SYT1: variants seen among roughly 807,000 people sequenced by gnomAD.
SYT1 encodes the protein synaptotagmin 1.
SYT1 carries 8 observed loss-of-function variants against 44.8 expected under a neutral mutation model. The ratio of observed to expected loss-of-function variants is 0.18; its 90% CI spans 0.10 to 0.32. The LOEUF (loss-of-function observed/expected upper bound fraction) is 0.32. SYT1 is among the 10% of genes least tolerant of loss of function. The pLI, the probability that SYT1 is intolerant of heterozygous loss-of-function variation, is 1.00. For missense variants in SYT1, 286 were observed against 509.3 expected, an observed-to-expected ratio of 0.56 and a Z score of 4.22; for synonymous variants, 154 against 188.8, an observed-to-expected ratio of 0.82 and a Z score of 1.51.
At chr12:79,262,460 A>ATAT (rs10666284) in intron 4 of SYT1, among the ~76,000 whole-genome samples, 110,027 of 151,770 alleles carry the variant, frequency 0.72, 40,607 homozygotes, top group African/African-American at 0.84. Context: ...TTTACAAGAA[A>ATAT]TATACAATTC....
At position 79,033,557 on chromosome 12, in the gene SYT1, T is replaced by C. The variant is rs190400898; in HGVS notation, c.-83-13740T>C. ...CTTAACTTATGGTGAGCTTCTTTCTTGCATCGTCTCCTACCTTTGGTCTTT... is the reference window on the plus strand; with the variant it reads ...CTTAACTTATGGTGAGCTTCTTTCTCGCATCGTCTCCTACCTTTGGTCTTT... On this transcript the variant is annotated intron_variant, in intron 2 of 10. Coordinates refer to ENST00000261205, the MANE Select transcript of SYT1 (RefSeq NM_005639.3). Among the ~76,000 whole-genome samples the C allele has an allele frequency of 7.7e-3, 1,162 of 151,492 alleles. 57 individuals carry two copies. The highest frequency in any genetic ancestry group is 0.07 in the Admixed American group (1,056 of 15,150).
chr12:79,427,160 C>A (rs927210234), intron 9 of SYT1, among the ~76,000 whole-genome samples: 1 of 152,148 alleles, frequency 6.6e-6, no homozygotes, highest in Admixed American at 6.5e-5. Flanking sequence ...TACAGTTATT[C>A]CAGCTAATAA....
At chr12:79,102,809 T>A (rs1878516396) in intron 3 of SYT1, among the ~76,000 whole-genome samples, 2 of 152,198 alleles carry the variant, frequency 1.3e-5, no homozygotes, top group Admixed American at 1.3e-4. Context: ...AATCAACAAA[T>A]TTTAAGTAGG....
intron 9 of SYT1, among the ~76,000 whole-genome samples, chr12:79,387,627 T>C (rs934979418): frequency 2.6e-5 from 4 of 152,234 alleles, no homozygotes; most frequent in African/African-American, 7.2e-5. Context: ...AAATGTCAAC[T>C]GTGCAGGCAA....
intron 3 of SYT1, among the ~76,000 whole-genome samples, chr12:79,159,270 C>T (rs1396246260): frequency 6.6e-6 from 1 of 152,126 alleles, no homozygotes; most frequent in Non-Finnish European, 1.5e-5. Context: ...ATGATGCATA[C>T]ATATCATATT....
intron 2 of SYT1, among the ~76,000 whole-genome samples, chr12:79,025,327 C>A (rs889939721): frequency 6.6e-6 from 1 of 151,724 alleles, no homozygotes; most frequent in African/African-American, 2.4e-5. Flanking sequence ...CTTTAAAACT[C>A]TTAAACTCAA....
chr12:78,974,031 T>C (rs1276617289), intron 1 of SYT1, among the ~76,000 whole-genome samples: 1 of 136,792 alleles, frequency 7.3e-6, no homozygotes, highest in African/African-American at 2.7e-5. Flanking sequence ...GAGAAATGCA[T>C]CATTAGGCAT....
intron 4 of SYT1, among the ~76,000 whole-genome samples, chr12:79,279,604 G>C (rs1189884675): frequency 6.6e-6 from 1 of 151,868 alleles, no homozygotes; most frequent in Admixed American, 6.6e-5. Context: ...CAAGACAAGG[G>C]CTCCCAGTTT....
chr12:79,002,896 T>C (rs1870834964), intron 2 of SYT1, among the ~76,000 whole-genome samples: 1 of 152,052 alleles, frequency 6.6e-6, no homozygotes, highest in Non-Finnish European at 1.5e-5. Flanking sequence ...CCTTTTAAAA[T>C]GAGTACAAGG....
chr12:78,917,268 G>A (rs1035051682), intron 1 of SYT1, among the ~76,000 whole-genome samples: 2 of 151,910 alleles, frequency 1.3e-5, no homozygotes, highest in African/African-American at 2.4e-5. Flanking sequence ...CTCCTACATC[G>A]TCTCTGCTCT....
intron 3 of SYT1, among the ~76,000 whole-genome samples, chr12:79,076,609 A>G (rs190829850): frequency 6.6e-6 from 1 of 152,276 alleles, no homozygotes; most frequent in East Asian, 1.9e-4. Context: ...TAGATATTAT[A>G]AATATAAAAC....
chr12:79,201,353 G>A (rs1873774507), intron 3 of SYT1, among the ~76,000 whole-genome samples: 1 of 152,126 alleles, frequency 6.6e-6, no homozygotes, highest in South Asian at 2.1e-4. Flanking sequence ...AATATCTTTA[G>A]ATCCTATTCT....
chr12:78,968,360 G>C (rs1262619670), intron 1 of SYT1, among the ~76,000 whole-genome samples: 2 of 152,014 alleles, frequency 1.3e-5, no homozygotes, highest in East Asian at 3.9e-4. Flanking sequence ...TTCTCATAAA[G>C]ATTCATACAC....
intron 9 of SYT1, among the ~76,000 whole-genome samples, chr12:79,412,290 A>G (rs1404423996): frequency 6.6e-6 from 1 of 152,100 alleles, no homozygotes; most frequent in African/African-American, 2.4e-5. Flanking sequence ...AGTTGTATGC[A>G]TGCTTACTTG....
chr12:79,377,900 T>C (rs1161466512), intron 9 of SYT1, among the ~76,000 whole-genome samples: 2 of 152,172 alleles, frequency 1.3e-5, no homozygotes, highest in African/African-American at 2.4e-5. Context: ...TAATATGCAG[T>C]TAGTCCACCA....
intron 1 of SYT1, among the ~76,000 whole-genome samples, chr12:78,890,913 A>T (rs574065948): frequency 1.3e-5 from 2 of 152,056 alleles, no homozygotes; most frequent in East Asian, 3.9e-4. Context: ...CAACTATGCA[A>T]TAATTATGCC....
At chr12:79,426,982 G>A (rs552548985) in intron 9 of SYT1, among the ~76,000 whole-genome samples, 7 of 152,236 alleles carry the variant, frequency 4.6e-5, no homozygotes, top group Middle Eastern at 3.4e-3. Context: ...TCCTGCCACC[G>A]TGTGAAGAAG....
chr12:79,263,126 A>G (rs539110338), intron 4 of SYT1, among the ~76,000 whole-genome samples: 1 of 152,272 alleles, frequency 6.6e-6, no homozygotes, highest in African/African-American at 2.4e-5. Context: ...AAGAGTCATG[A>G]TTAAAGAAAT....
At chr12:79,240,687 G>A (rs958732074) in intron 4 of SYT1, among the ~76,000 whole-genome samples, 5 of 152,190 alleles carry the variant, frequency 3.3e-5, no homozygotes, top group African/African-American at 9.7e-5. Flanking sequence ...TTAGGAAGAA[G>A]TAGAGTTTCT....
Sources: allele counts gnomAD v4.1 joint callset (sites outside exome capture counted in the v4.1 genomes callset), GRCh38; gene constraint gnomAD v4.1.1; transcripts MANE v1.5; gene names NCBI Gene and HGNC (gene_info 2026-07-23, HGNC 2026-07-21).